The following PTPRO variants were observed in gnomAD, a reference collection of about 807,000 sequenced individuals.
PTPRO encodes receptor-type tyrosine-protein phosphatase O.
PTPRO carries 62 observed loss-of-function variants against 145.2 expected under a neutral mutation model. That is an observed-to-expected ratio of 0.43 (90% CI 0.35 to 0.53). PTPRO has a LOEUF of 0.53. Ranked by LOEUF, PTPRO falls within the 20% of genes least tolerant of loss-of-function variation. The probability of loss-of-function intolerance (pLI) is 0.01; values close to 1 mark genes in which losing one functional copy is unlikely to be tolerated. For missense variants in PTPRO, 1,345 were observed against 1,482.7 expected (o/e 0.91, Z 1.53); for synonymous variants, 565 against 514.7 (o/e 1.10, Z -1.32).
intron 1 of PTPRO, among the ~76,000 whole-genome samples, chr12:15,427,627 A>T (rs904901601): frequency 6.6e-6 from 1 of 151,814 alleles, no homozygotes; most frequent in African/African-American, 2.4e-5. Context: ...AATTTGTGAT[A>T]ATATTCTTAA....
chr12:15,418,392 T>A (rs779113762), intron 1 of PTPRO, among the ~76,000 whole-genome samples: 1 of 151,870 alleles, frequency 6.6e-6, no homozygotes, highest in South Asian at 2.1e-4. Flanking sequence ...GTTGAGTGAA[T>A]GAAGTGCCTA....
chr12:15,513,111 G>GAAAGAAA (rs1565675349), intron 7 of PTPRO, among the ~76,000 whole-genome samples: 2 of 14,502 alleles, frequency 1.4e-4, no homozygotes, highest in Admixed American at 6.6e-4. Flanking sequence ...AAGAAAGAAA[G>GAAAGAAA]GAAGGAAGGA....
At chr12:15,356,211 T>A (rs940337352) in intron 1 of PTPRO, among the ~76,000 whole-genome samples, 3 of 152,210 alleles carry the variant, frequency 2.0e-5, no homozygotes, top group African/African-American at 7.2e-5. Flanking sequence ...TGGCACATAA[T>A]AACCATTTGA....
intron 18 of PTPRO, 132 bp from the exon 19 acceptor site, chr12:15,569,285 G>A (rs967470046): frequency 7.8e-6 from 6 of 769,532 alleles, no homozygotes; most frequent in Non-Finnish European, 8.4e-6. Flanking sequence ...AAAAAAAAAG[G>A]TGAGTGCTAA....
chr12:15,547,454 T>C (rs991704439), intron 13 of PTPRO, among the ~76,000 whole-genome samples: 2 of 152,264 alleles, frequency 1.3e-5, no homozygotes, highest in African/African-American at 4.8e-5. Flanking sequence ...TGTAGACTAA[T>C]ACTGCGAACA....
intron 1 of PTPRO, among the ~76,000 whole-genome samples, chr12:15,353,160 A>G (rs945303743): frequency 6.6e-6 from 1 of 152,198 alleles, no homozygotes; most frequent in Non-Finnish European, 1.5e-5. Flanking sequence ...CATTAGACAT[A>G]GAAGTCCCCC....
At chr12:15,544,844 C>T (rs1943249691) in intron 12 of PTPRO, among the ~76,000 whole-genome samples, 1 of 152,158 alleles carries the variant, frequency 6.6e-6, no homozygotes, top group South Asian at 2.1e-4. Context: ...AGAAGTGGGA[C>T]AATACAATGC....
At chr12:15,420,970 A>T (rs1435329197) in intron 1 of PTPRO, among the ~76,000 whole-genome samples, 1 of 152,246 alleles carries the variant, frequency 6.6e-6, no homozygotes, top group Non-Finnish European at 1.5e-5. Flanking sequence ...CACTTTAATA[A>T]AAAATTTCAA....
At position 15,546,628 on chromosome 12, in the gene PTPRO, C is replaced by T. The variant is rs755467223; in HGVS notation, c.2224C>T (p.Leu742=). ...VNKTQTSVTL[L]WVEEGVADFF... ...CAAAACCCAGACTTCAGTGACTTTG[C>T]TGTGGGTGGAAGAGGGAGTAGCTGA... Residue 742 remains leucine (L), a synonymous_variant, in exon 13 of 27, where the codon CTG becomes TTG. Coordinates refer to ENST00000281171, the MANE Select transcript of PTPRO (RefSeq NM_030667.3). The T allele has an allele frequency of 6.2e-7, 1 of 1,613,614 alleles. No individual in the cohort carries two copies. Among genetic ancestry groups the T allele is most frequent in the Admixed American group, 1.7e-5 (1 of 59,978 alleles).
intron 1 of PTPRO, among the ~76,000 whole-genome samples, chr12:15,427,603 T>A (rs946098379): frequency 6.6e-6 from 1 of 151,800 alleles, no homozygotes; most frequent in African/African-American, 2.4e-5. Context: ...ATTATGGATA[T>A]GTACTTATAA....
chr12:15,461,615 T>C (rs1247795986), intron 1 of PTPRO, among the ~76,000 whole-genome samples: 1 of 137,106 alleles, frequency 7.3e-6, no homozygotes, highest in Non-Finnish European at 1.5e-5. Context: ...GTCGCCAGGC[T>C]GGAGTACAGT....
rs553556748 is a variant in PTPRO, at chr12:15,395,673, G to A, written c.75+72872G>A. Among the ~76,000 whole-genome samples, 14 of 152,190 alleles carry A rather than the reference G, an allele frequency of 9.2e-5. No individual in the cohort carries two copies. The South Asian group carries it at 2.9e-3, about 32-fold the overall frequency. The stretch of plus-strand genomic sequence containing the variant: ...TATTAAATTCTAGACTACAGCATGA[G>A]AGAAGAAAGGAATAGTCACAATTAC... On this transcript the variant is annotated intron_variant, in intron 1 of 26. Transcript: ENST00000281171.
In PTPRO at chr12:15,515,623, G is replaced by C. The variant is rs779964662; in HGVS notation, c.1585+5G>C. The C allele has an allele frequency of 1.6e-5, 26 of 1,614,026 alleles. No individual in the cohort carries two copies. The highest frequency in any genetic ancestry group is 2.1e-5 in the Non-Finnish European group (25 of 1,179,972). ...ATCCTGTGACATTTGCTATTGGTAA[G>C]TTGCTAGCCACAAGAAGAATGACTG... On this transcript the variant is annotated splice_donor_5th_base_variant and intron_variant, in intron 8 of 26. Transcript: ENST00000281171.
intron 1 of PTPRO, among the ~76,000 whole-genome samples, chr12:15,415,166 G>T (rs886627899): frequency 6.6e-6 from 1 of 152,022 alleles, no homozygotes; most frequent in African/African-American, 2.4e-5. Flanking sequence ...AACACCAAAA[G>T]ATTTTGGAAA....
chr12:15,418,177 A>T (rs1465902506), intron 1 of PTPRO, among the ~76,000 whole-genome samples: 7 of 151,856 alleles, frequency 4.6e-5, no homozygotes, highest in Non-Finnish European at 8.8e-5. Flanking sequence ...TGTGGACAAG[A>T]ACTTTGAATA....
In PTPRO at chr12:15,385,932, G is replaced by T. The variant is rs138491230; in HGVS notation, c.75+63131G>T. Reference sequence around the variant, plus strand: ...GGTATATTTCTCAGCCTTGGTTCTGGGTGGAGGTTTAAAAATAATATTTCC... The same window carrying T: ...GGTATATTTCTCAGCCTTGGTTCTGTGTGGAGGTTTAAAAATAATATTTCC... On this transcript the variant is annotated intron_variant, in intron 1 of 26. Coordinates refer to ENST00000281171, the MANE Select transcript of PTPRO (RefSeq NM_030667.3). Among the ~76,000 whole-genome samples the T allele has an allele frequency of 1.7e-4, 26 of 152,066 alleles. No individual in the cohort carries two copies. In the East Asian group the frequency reaches 5.0e-3, roughly 29 times the overall value.
chr12:15,428,250 G>GTA (rs1316160259), intron 1 of PTPRO, among the ~76,000 whole-genome samples: 22 of 152,246 alleles, frequency 1.4e-4, no homozygotes, highest in African/African-American at 5.3e-4. Context: ...GAGCCATTAC[G>GTA]ACAAATAATT....
At chr12:15,465,144 T>A (rs893495281) in intron 1 of PTPRO, among the ~76,000 whole-genome samples, 2 of 152,212 alleles carry the variant, frequency 1.3e-5, no homozygotes, top group Non-Finnish European at 2.9e-5. Flanking sequence ...GTGCAATAAG[T>A]TGAATACTGT....
At chr12:15,381,586 C>G (rs1441039332) in intron 1 of PTPRO, among the ~76,000 whole-genome samples, 1 of 152,042 alleles carries the variant, frequency 6.6e-6, no homozygotes, top group African/African-American at 2.4e-5. Context: ...AAGAAGACAA[C>G]AATAATCTCT....
Sources: gnomAD v4.1 joint callset for allele counts (sites outside exome capture counted in the v4.1 genomes callset) on GRCh38, gnomAD v4.1.1 for gene constraint, MANE v1.5 for transcripts, NCBI Gene and HGNC (gene_info 2026-07-23, HGNC 2026-07-21) for gene names.